BICC1: variants seen among roughly 807,000 people sequenced by gnomAD.
BICC1 encodes BicC family RNA binding protein 1.
BICC1 carries 43 observed loss-of-function variants against 111.0 expected under a neutral mutation model. The ratio of observed to expected loss-of-function variants is 0.39; its 90% CI spans 0.30 to 0.50. BICC1 has a LOEUF of 0.50. Ranked by LOEUF, BICC1 falls within the 20% of genes least tolerant of loss-of-function variation. The pLI is 0.88. For missense variants in BICC1, 1,091 were observed against 1,203.2 expected (o/e 0.91, Z 1.38); for synonymous variants, 467 against 434.4 (o/e 1.07, Z -0.93).
chr10:58,752,447 A>AT (rs1842015931), intron 3 of BICC1, among the ~76,000 whole-genome samples: 1 of 152,154 alleles, frequency 6.6e-6, no homozygotes, highest in Non-Finnish European at 1.5e-5. Context: ...TCTGGGGCTG[A>AT]TTCTTCGGAA....
At chr10:58,552,489 C>T (rs1289781652) in intron 1 of BICC1, among the ~76,000 whole-genome samples, 2 of 151,992 alleles carry the variant, frequency 1.3e-5, no homozygotes, top group Non-Finnish European at 2.9e-5. Flanking sequence ...GTGCCCGCCA[C>T]CACACCCAGC....
chr10:58,516,785 A>G (rs1160200294), intron 1 of BICC1, among the ~76,000 whole-genome samples: 3 of 152,174 alleles, frequency 2.0e-5, no homozygotes, highest in Non-Finnish European at 4.4e-5. Context: ...TATGTAAGCC[A>G]ATTAAATTTT....
At chr10:58,794,528 C>T (rs985542334) in intron 9 of BICC1, among the ~76,000 whole-genome samples, 1 of 151,714 alleles carries the variant, frequency 6.6e-6, no homozygotes, top group Non-Finnish European at 1.5e-5. Context: ...AGGTGGTTCT[C>T]CCACCTCAGC....
At chr10:58,673,786 C>CTT (rs5785337) in intron 2 of BICC1, among the ~76,000 whole-genome samples, 2,748 of 138,116 alleles carry the variant, frequency 0.02, 57 homozygotes, top group African/African-American at 0.043. Flanking sequence ...CCACGCCCAG[C>CTT]TTTTTTTTTT....
intron 2 of BICC1, among the ~76,000 whole-genome samples, chr10:58,689,546 C>G (rs1839852835): frequency 6.6e-6 from 1 of 152,186 alleles, no homozygotes; most frequent in Non-Finnish European, 1.5e-5. Context: ...ATTTATGAGT[C>G]TGGATTCTGA....
chr10:58,786,169 G>C (rs899588993), intron 4 of BICC1, among the ~76,000 whole-genome samples: 1 of 152,072 alleles, frequency 6.6e-6, no homozygotes, highest in African/African-American at 2.4e-5. Flanking sequence ...TTCAGTAACA[G>C]TCTTCTAAAT....
chr10:58,781,954 C>A (rs538767608), intron 3 of BICC1, among the ~76,000 whole-genome samples: 12 of 152,138 alleles, frequency 7.9e-5, no homozygotes, highest in Non-Finnish European at 1.3e-4. Context: ...ATTTGAAGAA[C>A]CACTTTCCAA....
At chr10:58,573,243 G>A (rs1658418) in intron 1 of BICC1, among the ~76,000 whole-genome samples, 69,919 of 152,006 alleles carry the variant, frequency 0.46, 17,105 homozygotes, top group Admixed American at 0.62. Flanking sequence ...GCATGTGTAA[G>A]TGGTCAATGA....
intron 3 of BICC1, among the ~76,000 whole-genome samples, chr10:58,759,297 A>C (rs1237108897): frequency 6.6e-6 from 1 of 152,142 alleles, no homozygotes; most frequent in East Asian, 1.9e-4. Flanking sequence ...CAATATAAGC[A>C]AAAATGATTC....
chr10:58,539,581 A>G (rs541273513), intron 1 of BICC1, among the ~76,000 whole-genome samples: 3 of 152,080 alleles, frequency 2.0e-5, no homozygotes, highest in Non-Finnish European at 4.4e-5. Flanking sequence ...GAAAGGGCCA[A>G]TTCACCAGGA....
At chr10:58,571,968 C>T (rs936627065) in intron 1 of BICC1, among the ~76,000 whole-genome samples, 1 of 152,130 alleles carries the variant, frequency 6.6e-6, no homozygotes, top group Non-Finnish European at 1.5e-5. Context: ...TAAAAGTGTT[C>T]CTTTTTCTCC....
intron 2 of BICC1, among the ~76,000 whole-genome samples, chr10:58,676,092 C>A (rs554685597): frequency 1.3e-5 from 2 of 152,254 alleles, no homozygotes; most frequent in South Asian, 4.1e-4. Flanking sequence ...GCTATCTGGC[C>A]CAGATACTAC....
chr10:58,553,888 A>G (rs1438032698), intron 1 of BICC1, among the ~76,000 whole-genome samples: 2 of 151,992 alleles, frequency 1.3e-5, no homozygotes, highest in African/African-American at 2.4e-5. Flanking sequence ...CTGGATGGGA[A>G]AGAGTTCACT....
At chr10:58,715,479 C>G in intron 3 of BICC1, 1 of 839,256 alleles carries the variant, frequency 1.2e-6, no homozygotes, top group South Asian at 1.4e-5. Context: ...GCAAGAGGAC[C>G]TGTGGCAGGC....
chr10:58,695,243 G>A (rs1056836018), intron 2 of BICC1, among the ~76,000 whole-genome samples: 5 of 152,022 alleles, frequency 3.3e-5, no homozygotes, highest in Non-Finnish European at 5.9e-5. Flanking sequence ...ACGCCGCCTC[G>A]AGTGAGAAGT....
At chr10:58,695,606 G>A (rs1840044581) in intron 2 of BICC1, among the ~76,000 whole-genome samples, 1 of 152,182 alleles carries the variant, frequency 6.6e-6, no homozygotes, top group Non-Finnish European at 1.5e-5. Context: ...GGTGATCTGA[G>A]ATGCTGATTA....
chr10:58,628,605 G>A (rs2132164854), intron 2 of BICC1, among the ~76,000 whole-genome samples: 1 of 152,136 alleles, frequency 6.6e-6, no homozygotes. Flanking sequence ...TTCGCTTTCA[G>A]TAGCAAGATC....
At chr10:58,543,637 A>G (rs1048193210) in intron 1 of BICC1, among the ~76,000 whole-genome samples, 12 of 151,828 alleles carry the variant, frequency 7.9e-5, no homozygotes, top group Admixed American at 3.9e-4. Context: ...AGCCTCCCCA[A>G]TAGCTAGGAC....
intron 2 of BICC1, among the ~76,000 whole-genome samples, chr10:58,660,282 C>T (rs1838799115): frequency 6.6e-6 from 1 of 152,076 alleles, no homozygotes; most frequent in Non-Finnish European, 1.5e-5. Flanking sequence ...TTAACAAGGC[C>T]ACCTTCCCTT....
Sources: gnomAD v4.1 joint callset for allele counts (sites outside exome capture counted in the v4.1 genomes callset) on GRCh38, gnomAD v4.1.1 for gene constraint, MANE v1.5 for transcripts, NCBI Gene and HGNC (gene_info 2026-07-23, HGNC 2026-07-21) for gene names.